CNTN1: variants seen among roughly 807,000 people sequenced by gnomAD.
CNTN1 encodes the protein contactin-1.
CNTN1 carries 38 observed loss-of-function variants against 126.4 expected under a neutral mutation model. The observed-to-expected ratio is 0.30, with a 90% CI of 0.23 to 0.39. The LOEUF (loss-of-function observed/expected upper bound fraction) is 0.39. Among genes scored for constraint, CNTN1 ranks in the 10% least tolerant of loss-of-function variants. The pLI is 1.00. For missense variants in CNTN1, 1,009 were observed against 1,248.4 expected (o/e 0.81, Z 2.89); for synonymous variants, 413 against 422.6 (o/e 0.98, Z 0.28).
intron 6 of CNTN1, among the ~76,000 whole-genome samples, chr12:40,927,818 T>TA (rs1474486995): frequency 6.6e-6 from 1 of 152,126 alleles, no homozygotes; most frequent in Non-Finnish European, 1.5e-5. Context: ...GTCCAAGACT[T>TA]ATGTTCATAC....
At chr12:40,865,304 T>C (rs1169123173) in intron 1 of CNTN1, among the ~76,000 whole-genome samples, 1 of 152,184 alleles carries the variant, frequency 6.6e-6, no homozygotes, top group African/African-American at 2.4e-5. Context: ...AGTAGTCTCT[T>C]CACTTTCTTG....
intron 1 of CNTN1, among the ~76,000 whole-genome samples, chr12:40,906,987 T>A (rs888103326): frequency 5.9e-5 from 9 of 152,184 alleles, no homozygotes; most frequent in African/African-American, 1.2e-4. Context: ...CCATGCTCTA[T>A]CTTAATTTAT....
At chr12:40,937,465 G>T (rs561824790) in intron 10 of CNTN1, 105 bp from the exon 11 acceptor site, 1 of 793,434 alleles carries the variant, frequency 1.3e-6, no homozygotes, top group Non-Finnish European at 2.2e-6. Context: ...AGTGGGGGCA[G>T]ATGAACATAA....
intron 1 of CNTN1, among the ~76,000 whole-genome samples, chr12:40,786,021 C>T (rs1940004310): frequency 1.3e-5 from 2 of 152,166 alleles, no homozygotes; most frequent in African/African-American, 2.4e-5. Flanking sequence ...AACAAATTAT[C>T]ACGCACATTG....
chr12:40,932,225 G>A (rs1274557620), intron 7 of CNTN1, among the ~76,000 whole-genome samples: 1 of 151,950 alleles, frequency 6.6e-6, no homozygotes, highest in African/African-American at 2.4e-5. Flanking sequence ...GCCAGGTGGA[G>A]ATAATTGAAT....
intron 7 of CNTN1, 127 bp from the exon 8 acceptor site, chr12:40,933,334 G>T (rs1021883816): frequency 9.6e-6 from 7 of 726,074 alleles, no homozygotes; most frequent in East Asian, 2.6e-5. Flanking sequence ...ATTATGATAT[G>T]ACCTGTACCT....
At chr12:40,902,781 G>A (rs989754078) in intron 1 of CNTN1, among the ~76,000 whole-genome samples, 2 of 152,114 alleles carry the variant, frequency 1.3e-5, no homozygotes, top group Non-Finnish European at 2.9e-5. Context: ...ATATATTGTT[G>A]AAGCATTTTA....
chr12:40,726,604 T>G (rs1365230988), intron 1 of CNTN1, among the ~76,000 whole-genome samples: 1 of 152,144 alleles, frequency 6.6e-6, no homozygotes, highest in African/African-American at 2.4e-5. Flanking sequence ...TTCCCACCCT[T>G]GACACATGGG....
intron 1 of CNTN1, among the ~76,000 whole-genome samples, chr12:40,847,229 T>C (rs1288329353): frequency 6.6e-6 from 1 of 152,140 alleles, no homozygotes; most frequent in Non-Finnish European, 1.5e-5. Flanking sequence ...AAGCAATCTT[T>C]AAAGGGCACC....
intron 16 of CNTN1, among the ~76,000 whole-genome samples, chr12:40,988,428 A>G (rs1453000614): frequency 6.6e-6 from 1 of 152,154 alleles, no homozygotes; most frequent in African/African-American, 2.4e-5. Context: ...GGCTGGAGTT[A>G]TTCTTGACAC....
intron 23 of CNTN1, among the ~76,000 whole-genome samples, chr12:41,048,778 A>AGAAG (rs1327528769): frequency 2.6e-5 from 4 of 152,094 alleles, no homozygotes; most frequent in Non-Finnish European, 4.4e-5. Flanking sequence ...GGAGAGAAAG[A>AGAAG]GAAGGAAGGA....
intron 17 of CNTN1, among the ~76,000 whole-genome samples, chr12:41,005,267 T>A (rs541977720): frequency 3.3e-5 from 5 of 152,234 alleles, no homozygotes; most frequent in Admixed American, 2.0e-4. Context: ...CCCAAATCTC[T>A]TCTGGCTTGT....
chr12:40,839,297 G>A (rs888774192), intron 1 of CNTN1, among the ~76,000 whole-genome samples: 8 of 152,062 alleles, frequency 5.3e-5, no homozygotes, highest in African/African-American at 1.7e-4. Flanking sequence ...TAAAACCATT[G>A]GATAGTCAAG....
chr12:40,829,456 T>A (rs1270828384), intron 1 of CNTN1, among the ~76,000 whole-genome samples: 1 of 152,028 alleles, frequency 6.6e-6, no homozygotes, highest in Non-Finnish European at 1.5e-5. Context: ...AGACCAAGAA[T>A]AGATAAGGAC....
chr12:40,806,252 T>C, intron 1 of CNTN1, among the ~76,000 whole-genome samples: 1 of 152,148 alleles, frequency 6.6e-6, no homozygotes, highest in East Asian at 1.9e-4. Context: ...TATATGCAAC[T>C]GGTCTTGGCA....
intron 23 of CNTN1, among the ~76,000 whole-genome samples, chr12:41,038,857 G>C (rs1218907038): frequency 6.6e-6 from 1 of 151,736 alleles, no homozygotes; most frequent in Non-Finnish European, 1.5e-5. Context: ...TTTTCACTAA[G>C]AGTGCAGGGA....
At chr12:41,057,464 T>C (rs569291674) in intron 23 of CNTN1, among the ~76,000 whole-genome samples, 9 of 151,984 alleles carry the variant, frequency 5.9e-5, no homozygotes, top group African/African-American at 2.2e-4. Context: ...CTAATTTAGC[T>C]CGGTGAAATA....
intron 1 of CNTN1, among the ~76,000 whole-genome samples, chr12:40,812,713 A>G (rs1232838570): frequency 6.6e-6 from 1 of 151,990 alleles, no homozygotes; most frequent in Non-Finnish European, 1.5e-5. Context: ...ACCATTTTGT[A>G]TATTTAGGGT....
chr12:40,869,773 A>G (rs1440418072), intron 1 of CNTN1, among the ~76,000 whole-genome samples: 1 of 152,176 alleles, frequency 6.6e-6, no homozygotes, highest in Non-Finnish European at 1.5e-5. Flanking sequence ...TAGAACCACT[A>G]ATTATTTTGT....
Sources: gnomAD v4.1 joint callset for allele counts (sites outside exome capture counted in the v4.1 genomes callset) on GRCh38, gnomAD v4.1.1 for gene constraint, MANE v1.5 for transcripts, NCBI Gene and HGNC (gene_info 2026-07-23, HGNC 2026-07-21) for gene names.